Variants in MEGF11 observed in about 807,000 individuals in gnomAD.
MEGF11 encodes multiple EGF like domains 11, also known as multiple epidermal growth factor-like domains protein 11.
Under a neutral mutation model 146.6 loss-of-function variants are expected in MEGF11, and 126 were observed. That is an observed-to-expected ratio of 0.86 (90% CI 0.74 to 1.00). MEGF11 has a LOEUF of 1.00. Among genes scored for constraint, MEGF11 ranks in the 50% least tolerant of loss-of-function variants. The pLI is 0.00. For missense variants in MEGF11, 1,509 were observed against 1,521.2 expected (o/e 0.99, Z 0.13); for synonymous variants, 532 against 583.4 (o/e 0.91, Z 1.27).
intron 1 of MEGF11, among the ~76,000 whole-genome samples, chr15:66,201,805 G>C (rs2091165213): frequency 6.8e-6 from 1 of 147,122 alleles, no homozygotes; most frequent in Admixed American, 6.8e-5. Flanking sequence ...AAATTAACCA[G>C]GCATGTTGGT....
chr15:65,984,800 G>C (rs952455391), intron 5 of MEGF11, among the ~76,000 whole-genome samples: 1 of 151,938 alleles, frequency 6.6e-6, no homozygotes, highest in African/African-American at 2.4e-5. Context: ...ACAGAGTCTC[G>C]CTCTATTAGG....
intron 5 of MEGF11, among the ~76,000 whole-genome samples, chr15:66,022,928 G>T (rs575924703): frequency 6.6e-6 from 1 of 151,514 alleles, no homozygotes; most frequent in Non-Finnish European, 1.5e-5. Flanking sequence ...CGGGTGGGGT[G>T]GATTGCTTGA....
chr15:66,253,572 C>A (rs897508078), intron 1 of MEGF11, 33 bp downstream of exon 1: 3 of 152,060 alleles, frequency 2.0e-5, no homozygotes, highest in Non-Finnish European at 2.9e-5. Flanking sequence ...GTCCGAGACT[C>A]CGCGTCCTCG....
At chr15:66,021,359 C>T (rs999695272) in intron 5 of MEGF11, among the ~76,000 whole-genome samples, 4 of 152,226 alleles carry the variant, frequency 2.6e-5, no homozygotes, top group Admixed American at 6.5e-5. Flanking sequence ...AAACCCAGCC[C>T]TAGTATCTTT....
Position 66,110,919 on chromosome 15 carries a change from T to G in MEGF11, c.301+8167A>C, listed in dbSNP as rs2087360045. On this transcript the variant is annotated intron_variant, in intron 4 of 25. Transcript: ENST00000395614. ...TAGCAAAAATTTGAGCTCAAACCAG[T>G]ATAGCTTCAGTCCCCTCCTCCCCCT... 7.9e-5 allele frequency among the ~76,000 whole-genome samples: 12 copies of G among 152,184 alleles called. No homozygotes were observed. In the South Asian group the frequency reaches 1.7e-3, roughly 21 times the overall value.
chr15:65,923,562 T>TA lies in MEGF11; in HGVS notation c.1676-594dup, dbSNP rs1205569375. 2.0e-5 allele frequency among the ~76,000 whole-genome samples: 3 copies of TA among 152,362 alleles called. No homozygotes were observed. In the East Asian group the frequency reaches 5.8e-4, roughly 29 times the overall value. On this transcript the variant is annotated intron_variant, in intron 13 of 25. Transcript: ENST00000395614. ...GCGCAGTATGTGTATCATTCATGCATACATACAATAGAAACCAGTACTTTG... is the reference window on the plus strand; with the variant it reads ...GCGCAGTATGTGTATCATTCATGCATAACATACAATAGAAACCAGTACTTTG...
chr15:65,993,428 C>A (rs2082113821), intron 5 of MEGF11, among the ~76,000 whole-genome samples: 1 of 152,242 alleles, frequency 6.6e-6, no homozygotes. Flanking sequence ...GTTTGCATCA[C>A]TGCCTTTGAA....
chr15:66,068,400 T>C (rs1597049568), intron 5 of MEGF11, among the ~76,000 whole-genome samples: 1 of 152,214 alleles, frequency 6.6e-6, no homozygotes, highest in South Asian at 2.1e-4. Flanking sequence ...ACCCACCACA[T>C]ACCAATCGTG....
intron 25 of MEGF11, 87 bp from the exon 26 acceptor site, chr15:65,898,181 G>A (rs978414748): frequency 6.7e-7 from 1 of 1,490,028 alleles, no homozygotes; most frequent in African/African-American, 1.4e-5. Context: ...CTTAACTTGG[G>A]GAAAGGAGCC....
chr15:65,923,615 A>G (rs2079254562), intron 13 of MEGF11, among the ~76,000 whole-genome samples: 1 of 152,218 alleles, frequency 6.6e-6, no homozygotes. Flanking sequence ...GTCACTATGT[A>G]TGTTGGACTC....
intron 1 of MEGF11, among the ~76,000 whole-genome samples, chr15:66,128,785 T>C (rs1476849000): frequency 6.6e-6 from 1 of 152,158 alleles, no homozygotes; most frequent in Non-Finnish European, 1.5e-5. Context: ...TTAAAGGGAA[T>C]GCCCTCCCCA....
chr15:65,951,838 AT>A (rs908417343), intron 10 of MEGF11, among the ~76,000 whole-genome samples: 70 of 148,358 alleles, frequency 4.7e-4, no homozygotes, highest in East Asian at 7.9e-4. Context: ...ATCTCTACAA[AT>A]TTTTTTTTTT....
intron 1 of MEGF11, among the ~76,000 whole-genome samples, chr15:66,150,824 G>T (rs78062221): frequency 0.042 from 47 of 1,114 alleles, no homozygotes; most frequent in South Asian, 0.045. Flanking sequence ...ATGCCCTGTC[G>T]AGAGAGAGAG....
At chr15:65,999,648 C>T (rs532910249) in intron 5 of MEGF11, among the ~76,000 whole-genome samples, 1 of 152,146 alleles carries the variant, frequency 6.6e-6, no homozygotes, top group Non-Finnish European at 1.5e-5. Flanking sequence ...TAAAATGGGG[C>T]TCTTGTGTGC....
At chr15:66,079,740 C>T (rs1425868131) in intron 5 of MEGF11, among the ~76,000 whole-genome samples, 1 of 152,176 alleles carries the variant, frequency 6.6e-6, no homozygotes, top group South Asian at 2.1e-4. Flanking sequence ...CTTAGGTGAT[C>T]GCTCTCAGGT....
At chr15:65,955,779 T>TAG (rs71139450) in intron 10 of MEGF11, among the ~76,000 whole-genome samples, 33 of 10,204 alleles carry the variant, frequency 3.2e-3, no homozygotes, top group Non-Finnish European at 5.1e-3. Flanking sequence ...TATATATATA[T>TAG]ATATATATAT....
intron 1 of MEGF11, among the ~76,000 whole-genome samples, chr15:66,183,774 G>T (rs149832426): frequency 6.6e-6 from 1 of 152,122 alleles, no homozygotes; most frequent in Non-Finnish European, 1.5e-5. Flanking sequence ...GGGCAGTGGG[G>T]ATGGGGCTGA....
chr15:66,066,343 C>T lies in MEGF11; in HGVS notation c.394+28059G>A, dbSNP rs968581849. Among the ~76,000 whole-genome samples the T allele has an allele frequency of 4.6e-5, 7 of 152,150 alleles. 1 individual carries two copies. Among genetic ancestry groups the T allele is most frequent in the African/African-American group, 2.4e-5 (1 of 41,424 alleles). ...GTTGGTTGCTGACCTCCCTCCCCAC[C>T]ACCTCCCCACTGTTGGCATGCTGGG... On this transcript the variant is annotated intron_variant, in intron 5 of 25. Transcript: ENST00000395614.
intron 5 of MEGF11, among the ~76,000 whole-genome samples, chr15:66,028,773 TAA>T (rs1264816686): frequency 6.6e-6 from 1 of 152,126 alleles, no homozygotes; most frequent in Admixed American, 6.5e-5. Flanking sequence ...AAATGTGAAA[TAA>T]AAAAGTTAGA....
Sources: gnomAD v4.1 joint callset for allele counts (sites outside exome capture counted in the v4.1 genomes callset) on GRCh38, gnomAD v4.1.1 for gene constraint, MANE v1.5 for transcripts, NCBI Gene and HGNC (gene_info 2026-07-23, HGNC 2026-07-21) for gene names.